Variants in VWA8 observed in about 807,000 individuals in gnomAD.
VWA8 encodes the protein von Willebrand factor A domain containing 8.
A neutral mutation model predicts 241.5 loss-of-function variants in VWA8; 221 were observed. That is an observed-to-expected ratio of 0.91 (90% confidence interval 0.82 to 1.02). The LOEUF (loss-of-function observed/expected upper bound fraction) is 1.02. Among genes scored for constraint, VWA8 ranks in the 50% least tolerant of loss-of-function variants. The pLI is 0.00. For synonymous variants in VWA8, 852 were observed against 827.1 expected (o/e 1.03, Z -0.52); for missense variants, 2,322 against 2,328.7 (o/e 1.00, Z 0.06).
chr13:41,956,564 C>T (rs1473385057), intron 1 of VWA8, among the ~76,000 whole-genome samples: 3 of 152,168 alleles, frequency 2.0e-5, no homozygotes, highest in Admixed American at 1.3e-4. Context: ...GGTTCAATAC[C>T]TGATAAATAC....
chr13:41,930,122 G>A (rs954794149), intron 2 of VWA8, among the ~76,000 whole-genome samples: 5 of 152,104 alleles, frequency 3.3e-5, no homozygotes, highest in Non-Finnish European at 7.4e-5. Flanking sequence ...TATATGAAAA[G>A]GTGCTCAACA....
intron 20 of VWA8, 122 bp from the exon 21 acceptor site, chr13:41,761,326 G>GT (rs1288263120): frequency 8.5e-6 from 8 of 942,524 alleles, no homozygotes; most frequent in Non-Finnish European, 1.3e-5. Context: ...TTAGTTTATT[G>GT]TTCATGAAAA....
intron 37 of VWA8, among the ~76,000 whole-genome samples, chr13:41,663,846 T>C (rs1286130052): frequency 2.0e-5 from 3 of 151,538 alleles, no homozygotes; most frequent in African/African-American, 4.8e-5. Context: ...AATTGTTAAA[T>C]TGAACCGTCG....
At chr13:41,797,777 C>A (rs917088263) in intron 17 of VWA8, among the ~76,000 whole-genome samples, 2 of 152,094 alleles carry the variant, frequency 1.3e-5, no homozygotes, top group African/African-American at 4.8e-5. Flanking sequence ...ACACCTTCAC[C>A]TCTGATCTTT....
intron 42 of VWA8, among the ~76,000 whole-genome samples, chr13:41,587,310 C>T (rs1310489805): frequency 1.3e-5 from 2 of 152,182 alleles, no homozygotes. Flanking sequence ...TGCAGCATTT[C>T]TTCTGTAGTA....
chr13:41,777,415 A>G (rs747450737), intron 20 of VWA8, among the ~76,000 whole-genome samples: 1 of 152,204 alleles, frequency 6.6e-6, no homozygotes, highest in South Asian at 2.1e-4. Flanking sequence ...AGAGATAAGT[A>G]ACTGAATAGA....
chr13:41,829,568 TG>T (rs1871337296), intron 14 of VWA8, among the ~76,000 whole-genome samples: 3 of 87,424 alleles, frequency 3.4e-5, no homozygotes, highest in East Asian at 3.1e-4. Flanking sequence ...CACACACACA[TG>T]CACACACACA....
At chr13:41,642,523 C>T (rs535146248) in intron 37 of VWA8, among the ~76,000 whole-genome samples, 11 of 144,964 alleles carry the variant, frequency 7.6e-5, no homozygotes, top group Non-Finnish European at 1.3e-4. Context: ...GGCGCCATTG[C>T]ACTCCAGCCT....
intron 37 of VWA8, among the ~76,000 whole-genome samples, chr13:41,650,348 A>C (rs2044861361): frequency 6.6e-6 from 1 of 152,174 alleles, no homozygotes; most frequent in South Asian, 2.1e-4. Context: ...ACTGGATAGA[A>C]CTTGGAATCA....
intron 20 of VWA8, among the ~76,000 whole-genome samples, 179 bp from the exon 21 acceptor site, chr13:41,761,383 T>A (rs1412121735): frequency 6.6e-6 from 1 of 152,088 alleles, no homozygotes; most frequent in Non-Finnish European, 1.5e-5. Context: ...CATAAGGGTT[T>A]AAAAAATTTA....
At chr13:41,572,533 C>T (rs2044314664) in intron 43 of VWA8, among the ~76,000 whole-genome samples, 1 of 151,970 alleles carries the variant, frequency 6.6e-6, no homozygotes, top group African/African-American at 2.4e-5. Flanking sequence ...CTGTGTCCAC[C>T]CAGGGTTAAA....
intron 34 of VWA8, among the ~76,000 whole-genome samples, 171 bp from the exon 35 acceptor site, chr13:41,685,413 T>C (rs1485791572): frequency 6.6e-6 from 1 of 152,152 alleles, no homozygotes; most frequent in Non-Finnish European, 1.5e-5. Flanking sequence ...CCCAGTACTT[T>C]GGGAGGCCAA....
chr13:41,758,281 TTC>T (rs1405177508), intron 21 of VWA8, among the ~76,000 whole-genome samples: 1 of 149,612 alleles, frequency 6.7e-6, no homozygotes, highest in African/African-American at 2.4e-5. Context: ...TTTGCATATA[TTC>T]TGTTAAATTA....
intron 20 of VWA8, among the ~76,000 whole-genome samples, chr13:41,776,596 A>G (rs759731404): frequency 6.6e-6 from 1 of 152,208 alleles, no homozygotes; most frequent in Non-Finnish European, 1.5e-5. Context: ...ATTACTTTTA[A>G]ACTATACAGT....
intron 42 of VWA8, among the ~76,000 whole-genome samples, chr13:41,585,376 G>A (rs1015974777): frequency 2.0e-5 from 3 of 152,124 alleles, no homozygotes; most frequent in African/African-American, 7.2e-5. Context: ...CCTGGGGAGG[G>A]AGCTGTGTCA....
chr13:41,734,590 C>T (rs1466991786), intron 21 of VWA8, among the ~76,000 whole-genome samples: 1 of 152,180 alleles, frequency 6.6e-6, no homozygotes, highest in Non-Finnish European at 1.5e-5. Flanking sequence ...GACTATTTGC[C>T]TTATTTGCCT....
At chr13:41,614,664 C>T (rs555312487) in intron 38 of VWA8, among the ~76,000 whole-genome samples, 88 of 152,258 alleles carry the variant, frequency 5.8e-4, no homozygotes, top group African/African-American at 2.0e-3. Context: ...GCTTAACAAT[C>T]GTAATCTCAT....
At chr13:41,599,766 C>G (rs554744683) in intron 40 of VWA8, among the ~76,000 whole-genome samples, 1 of 151,964 alleles carries the variant, frequency 6.6e-6, no homozygotes, top group African/African-American at 2.4e-5. Flanking sequence ...TTGGAAAAGC[C>G]ATTGCAATGG....
chr13:41,798,039 T>C (rs1264587321), intron 17 of VWA8, among the ~76,000 whole-genome samples: 1 of 152,188 alleles, frequency 6.6e-6, no homozygotes, highest in East Asian at 1.9e-4. Flanking sequence ...TCCTTTTTTA[T>C]TTGTGGTTAC....
Sources: gnomAD v4.1 joint callset for allele counts (sites outside exome capture counted in the v4.1 genomes callset) on GRCh38, gnomAD v4.1.1 for gene constraint, MANE v1.5 for transcripts, NCBI Gene and HGNC (gene_info 2026-07-23, HGNC 2026-07-21) for gene names.